Variants in RSRC1 observed in about 807,000 individuals in gnomAD.
RSRC1 encodes the protein serine/Arginine-related protein 53.
Under a neutral mutation model 49.1 loss-of-function variants are expected in RSRC1, and 39 were observed. That is an observed-to-expected ratio of 0.79 (90% CI 0.61 to 1.04). The LOEUF (loss-of-function observed/expected upper bound fraction) is 1.04. RSRC1 is among the 50% of genes least tolerant of loss of function. RSRC1 has a pLI of 0.00. For synonymous variants in RSRC1, 143 were observed against 130.8 expected, an observed-to-expected ratio of 1.09 and a Z score of -0.63; for missense variants, 388 against 402.4, an observed-to-expected ratio of 0.96 and a Z score of 0.31.
chr3:158,527,668 A>T (rs573720076), intron 7 of RSRC1, among the ~76,000 whole-genome samples: 1 of 152,038 alleles, frequency 6.6e-6, no homozygotes, highest in South Asian at 2.1e-4. Context: ...ATTGATTTTC[A>T]AGTTTCAACA....
chr3:158,285,675 A>C (rs562766840), intron 4 of RSRC1, among the ~76,000 whole-genome samples: 2 of 152,196 alleles, frequency 1.3e-5, no homozygotes, highest in East Asian at 3.9e-4. Context: ...GAGTTCACTC[A>C]TGATTTGGCT....
intron 5 of RSRC1, among the ~76,000 whole-genome samples, chr3:158,303,993 T>C (rs1316244157): frequency 6.6e-6 from 1 of 152,164 alleles, no homozygotes; most frequent in Non-Finnish European, 1.5e-5. Flanking sequence ...GTGGGATTTG[T>C]TTTCTATTAA....
chr3:158,284,817 C>A (rs1468484597), intron 4 of RSRC1, among the ~76,000 whole-genome samples: 4 of 150,148 alleles, frequency 2.7e-5, no homozygotes, highest in Non-Finnish European at 4.5e-5. Context: ...GAGTAGGTTG[C>A]GAAAATTTTC....
intron 5 of RSRC1, among the ~76,000 whole-genome samples, chr3:158,332,896 T>TA (rs1729633502): frequency 6.6e-6 from 1 of 152,090 alleles, no homozygotes; most frequent in Non-Finnish European, 1.5e-5. Context: ...AATTGACTGT[T>TA]ATGCTACTTC....
At chr3:158,115,045 G>A (rs9848433) in intron 1 of RSRC1, among the ~76,000 whole-genome samples, 108,147 of 151,988 alleles carry the variant, frequency 0.71, 39,203 homozygotes, top group African/African-American at 0.83. Flanking sequence ...TTGAATAGGA[G>A]TGGTGAGAGA....
At chr3:158,321,974 T>TAC (rs71144456) in intron 5 of RSRC1, among the ~76,000 whole-genome samples, 4,887 of 148,456 alleles carry the variant, frequency 0.033, 111 homozygotes, top group East Asian at 0.087. Context: ...TTTTAACACC[T>TAC]ACACACACAC....
intron 2 of RSRC1, among the ~76,000 whole-genome samples, chr3:158,123,217 G>C (rs1715396995): frequency 6.6e-6 from 1 of 152,198 alleles, no homozygotes; most frequent in Admixed American, 6.5e-5. Context: ...ATGTTGGTCA[G>C]GCTGGTCTTG....
chr3:158,254,680 C>T (rs1027487033), intron 4 of RSRC1, among the ~76,000 whole-genome samples: 16 of 152,124 alleles, frequency 1.1e-4, no homozygotes, highest in African/African-American at 3.6e-4. Context: ...GATCCACCCA[C>T]CTCGGCCTCT....
chr3:158,120,902 TAGTATTGCATATG>T (rs1259205744), intron 1 of RSRC1, among the ~76,000 whole-genome samples: 1 of 112,020 alleles, frequency 8.9e-6, no homozygotes, highest in East Asian at 2.9e-4. Flanking sequence ...TAATAAAAAA[TAGTATTGCATATG>T]AGAATCTAAA....
At chr3:158,413,131 A>G (rs904357518) in intron 6 of RSRC1, among the ~76,000 whole-genome samples, 2 of 152,172 alleles carry the variant, frequency 1.3e-5, no homozygotes, top group Non-Finnish European at 2.9e-5. Flanking sequence ...TGGTACTGGT[A>G]CAAATACAGA....
chr3:158,532,001 T>A (rs1411747429), intron 7 of RSRC1, among the ~76,000 whole-genome samples: 2 of 151,932 alleles, frequency 1.3e-5, no homozygotes, highest in Non-Finnish European at 2.9e-5. Flanking sequence ...TTTTTTATTA[T>A]CTGTCTTGTA....
chr3:158,207,309 T>A (rs1721395381), intron 4 of RSRC1, among the ~76,000 whole-genome samples: 1 of 152,172 alleles, frequency 6.6e-6, no homozygotes, highest in Non-Finnish European at 1.5e-5. Context: ...AAAAGATTGA[T>A]CCCTTCTTTT....
intron 3 of RSRC1, among the ~76,000 whole-genome samples, chr3:158,200,598 T>G (rs912117255): frequency 2.6e-5 from 4 of 152,186 alleles, no homozygotes; most frequent in Admixed American, 2.0e-4. Flanking sequence ...GATTAATGAG[T>G]ATTTTTAATA....
intron 6 of RSRC1, among the ~76,000 whole-genome samples, chr3:158,411,510 C>CTTT (rs57004919): frequency 2.0e-4 from 30 of 149,584 alleles, no homozygotes; most frequent in South Asian, 1.5e-3. Flanking sequence ...TCTACTTTCT[C>CTTT]TTTTTTTTTT....
intron 7 of RSRC1, among the ~76,000 whole-genome samples, chr3:158,508,112 TC>T: frequency 6.6e-6 from 1 of 152,108 alleles, no homozygotes; most frequent in South Asian, 2.1e-4. Context: ...ATAATAATAA[TC>T]TAGGGATTTT....
chr3:158,480,146 A>G (rs1738550145), intron 7 of RSRC1, among the ~76,000 whole-genome samples: 1 of 152,066 alleles, frequency 6.6e-6, no homozygotes, highest in Admixed American at 6.6e-5. Context: ...TAAAAATTAA[A>G]GTTTTCCATC....
At chr3:158,227,385 G>GT (rs1302264066) in intron 4 of RSRC1, among the ~76,000 whole-genome samples, 3 of 151,532 alleles carry the variant, frequency 2.0e-5, no homozygotes, top group Non-Finnish European at 4.4e-5. Flanking sequence ...GCTTTCTACC[G>GT]TTCCTTCCCT....
chr3:158,354,699 A>T (rs1019672480), intron 5 of RSRC1, among the ~76,000 whole-genome samples, 158 bp from the exon 6 acceptor site: 1 of 152,242 alleles, frequency 6.6e-6, no homozygotes, highest in Non-Finnish European at 1.5e-5. Flanking sequence ...TGCATCATAT[A>T]TGCAAGTGCA....
chr3:158,291,034 C>CA (rs1726907221), intron 4 of RSRC1, among the ~76,000 whole-genome samples: 1 of 151,836 alleles, frequency 6.6e-6, no homozygotes. Flanking sequence ...CCTATCTCTA[C>CA]AAAAAATAAG....
Sources: allele counts gnomAD v4.1 joint callset (sites outside exome capture counted in the v4.1 genomes callset), GRCh38; gene constraint gnomAD v4.1.1; transcripts MANE v1.5; gene names NCBI Gene and HGNC (gene_info 2026-07-23, HGNC 2026-07-21).